Variants in PLEKHH1 observed in about 807,000 individuals in gnomAD.
PLEKHH1 encodes the protein pleckstrin homology domain-containing family H member 1.
A neutral mutation model predicts 160.0 loss-of-function variants in PLEKHH1; 104 were observed. The ratio of observed to expected loss-of-function variants is 0.65; its 90% CI spans 0.55 to 0.76. The LOEUF is 0.76. PLEKHH1 is among the 30% of genes least tolerant of loss of function. The pLI, the probability that PLEKHH1 is intolerant of heterozygous loss-of-function variation, is 0.00. For missense variants in PLEKHH1, 1,427 were observed against 1,724.1 expected (o/e 0.83, Z 3.05); for synonymous variants, 619 against 678.4 (o/e 0.91, Z 1.36).
At chr14:67,569,890 G>C in intron 8 of PLEKHH1, 31 bp from the exon 9 acceptor site, 1 of 1,434,676 alleles carries the variant, frequency 7.0e-7, no homozygotes, top group Non-Finnish European at 9.7e-7. Flanking sequence ...TTATGCCCTT[G>C]AGTAATCTCA....
intron 4 of PLEKHH1, among the ~76,000 whole-genome samples, chr14:67,558,070 C>G (rs2034666831): frequency 6.6e-6 from 1 of 152,214 alleles, no homozygotes. Context: ...AGCATTTCAG[C>G]TCCACTTGGC....
intron 2 of PLEKHH1, among the ~76,000 whole-genome samples, chr14:67,547,717 G>A (rs549943033): frequency 6.6e-6 from 1 of 152,352 alleles, no homozygotes; most frequent in Non-Finnish European, 1.5e-5. Flanking sequence ...GGGCTGCGGA[G>A]GCTTGGAAGA....
chr14:67,557,238 G>T, intron 3 of PLEKHH1, 31 bp from the exon 4 acceptor site: 1 of 1,604,982 alleles, frequency 6.2e-7, no homozygotes, highest in South Asian at 1.1e-5. Context: ...TGAGTGATGG[G>T]AAGACACTAT....
chr14:67,555,688 A>T, intron 2 of PLEKHH1, 137 bp from the exon 3 acceptor site: 1 of 1,257,828 alleles, frequency 8.0e-7, no homozygotes, highest in Non-Finnish European at 1.1e-6. Context: ...TTACCCTGAC[A>T]CTCTCGAGCC....
chr14:67,561,591 C>T lies in PLEKHH1; in HGVS notation c.424-363C>T, dbSNP rs567868162. Among the ~76,000 whole-genome samples, 344 of 151,918 alleles carry T rather than the reference C, an allele frequency of 2.3e-3. 5 individuals are homozygous for T. The highest frequency in any genetic ancestry group is 7.9e-3 in the African/African-American group (329 of 41,422). Reference sequence around the variant, plus strand: ...AAAAGAAAAGAATATGCAGCAGCCACGCTCAGTGGCACATGCCTGTAATCC... The same window carrying T: ...AAAAGAAAAGAATATGCAGCAGCCATGCTCAGTGGCACATGCCTGTAATCC... On this transcript the variant is annotated intron_variant, in intron 5 of 28. Transcript: ENST00000329153.
At chr14:67,586,238 C>A in intron 28 of PLEKHH1, 141 bp downstream of exon 28, 1 of 1,156,252 alleles carries the variant, frequency 8.6e-7, no homozygotes, top group Non-Finnish European at 1.3e-6. Flanking sequence ...AATTAGTATT[C>A]CAAAGGTTCA....
chr14:67,585,222 C>T (rs938219342), intron 26 of PLEKHH1: 1 of 187,130 alleles, frequency 5.3e-6, no homozygotes, highest in Non-Finnish European at 1.1e-5. Flanking sequence ...AGCTGTTCCC[C>T]ATTCCCCTAA....
At chr14:67,547,505 C>A (rs1428621080) in intron 2 of PLEKHH1, among the ~76,000 whole-genome samples, 1 of 152,206 alleles carries the variant, frequency 6.6e-6, no homozygotes, top group Non-Finnish European at 1.5e-5. Context: ...CCAGTTGCTA[C>A]ACGCACTGGG....
intron 27 of PLEKHH1, 43 bp from the exon 28 acceptor site, chr14:67,585,908 C>G (rs1234324741): frequency 6.3e-7 from 1 of 1,578,034 alleles, no homozygotes; most frequent in East Asian, 2.2e-5. Flanking sequence ...GCTCAGGGGA[C>G]AGGTGGAAAG....
At position 67,541,892 on chromosome 14, in the gene PLEKHH1, C is replaced by T. The variant is rs774580530; in HGVS notation, c.25C>T (p.Pro9Ser). Residue 9 changes from proline to serine, a missense_variant, in exon 2 of 29, where the codon CCG (proline) becomes TCG (serine). Transcript: ENST00000329153. MAELKVEA[P>S]ASVDWQKRCL... ...CATGGCAGAACTCAAGGTGGAGGCG[C>T]CGGCCAGCGTAGACTGGCAGAAACG... 6.2e-7 allele frequency: 1 copy of T among 1,602,458 alleles called. No homozygotes were observed. Among genetic ancestry groups the T allele is most frequent in the Non-Finnish European group, 8.5e-7 (1 of 1,174,668 alleles).
In PLEKHH1 at chr14:67,578,654, T is replaced by C; in HGVS notation, c.2849+23T>C. On this transcript the variant is annotated intron_variant, in intron 20 of 28. Transcript: ENST00000329153. This position sits in a 1 kb window ranked among gnomAD's most constrained non-coding sequence, Gnocchi z 5.0. ...CAGGTGAGTGAACCTGGCCGTTTCC[T>C]CTGCCACTTGAGCACTGCCAACTGC... The C allele has an allele frequency of 2.0e-6, 3 of 1,475,344 alleles. No homozygotes were observed. The highest frequency in any genetic ancestry group is 1.9e-6 in the Non-Finnish European group (2 of 1,070,110). 91.4% of individuals were successfully genotyped at this position (1,475,344 alleles called of 1,614,324 possible).
rs11547223 is a variant in PLEKHH1, at chr14:67,589,488, T to A, written c.*2253T>A. 2 of 984,910 alleles carry A rather than the reference T, an allele frequency of 2.0e-6. No homozygotes were observed. Among genetic ancestry groups the A allele is most frequent in the Non-Finnish European group, 2.4e-6 (2 of 829,570 alleles). 61.0% of individuals were successfully genotyped at this position (984,910 alleles called of 1,614,324 possible). ...AATGTGCTTGACACCATGACTGAAATACTATGATCTTGTTTGTCAATAAAA... is the reference window on the plus strand; with the variant it reads ...AATGTGCTTGACACCATGACTGAAAAACTATGATCTTGTTTGTCAATAAAA... On this transcript the variant is annotated 3_prime_UTR_variant, in exon 29 of 29. Transcript: ENST00000329153.
chr14:67,572,526 T>C (rs2035438823), intron 11 of PLEKHH1, among the ~76,000 whole-genome samples: 1 of 152,302 alleles, frequency 6.6e-6, no homozygotes, highest in South Asian at 2.1e-4. Context: ...GAGAGCCTAC[T>C]GTGGCCCACC....
In PLEKHH1 at chr14:67,562,118, G is replaced by T. The variant is rs1487736570; in HGVS notation, c.506-19G>T. ...AGCTACGGGAGCTCTCAATGTGACT[G>T]TTTTTACCCGAATCACAGCTATTCA... On this transcript the variant is annotated intron_variant, in intron 6 of 28. Transcript: ENST00000329153. 1.9e-6 allele frequency: 3 copies of T among 1,611,336 alleles called. No homozygotes were observed. The highest frequency in any genetic ancestry group is 2.2e-5 in the South Asian group (2 of 90,944).
At position 67,588,199 on chromosome 14, in the gene PLEKHH1, C is replaced by T. The variant is rs1425104728; in HGVS notation, c.*964C>T. On this transcript the variant is annotated 3_prime_UTR_variant, in exon 29 of 29. Coordinates refer to ENST00000329153, the MANE Select transcript of PLEKHH1 (RefSeq NM_020715.3). ...TGCAAGCAAGGGCAGGAGGTAGGTC[C>T]AATCTGACCCCTCCCTGTCTCATTT... The T allele has an allele frequency of 6.6e-6, 1 of 152,622 alleles. No homozygotes were observed. Among genetic ancestry groups the T allele is most frequent in the Non-Finnish European group, 1.5e-5 (1 of 68,036 alleles). The allele number at this position is 152,622 out of a possible 1,614,324, so 9.5% of individuals were successfully genotyped here. A position where few individuals can be genotyped will look rare whatever the true frequency, so the allele number is the denominator to read the frequency against.
intron 1 of PLEKHH1, among the ~76,000 whole-genome samples, chr14:67,537,276 G>A (rs112820703): frequency 0.084 from 12,455 of 147,862 alleles, 661 homozygotes; most frequent in East Asian, 0.13. Flanking sequence ...CCCGGGAGGC[G>A]GAGGTTGCAG....
At position 67,582,271 on chromosome 14, in the gene PLEKHH1, C is replaced by T. The variant is rs750299390; in HGVS notation, c.3426+61C>T. 26 of 1,609,754 alleles carry T rather than the reference C, an allele frequency of 1.6e-5. No individual in the cohort carries two copies. The highest frequency in any genetic ancestry group is 2.5e-6 in the Non-Finnish European group (3 of 1,178,704). ...GCCAGCTTAGAATGAATGCACCATG[C>T]AGCCTGAAACACAGGAGAGATTCTG... is the stretch of plus-strand genomic sequence containing the variant. On this transcript the variant is annotated intron_variant, in intron 24 of 28. Transcript: ENST00000329153. The surrounding 1 kb of genome is among the most constrained non-coding windows in gnomAD (Gnocchi z 5.0).
intron 4 of PLEKHH1, among the ~76,000 whole-genome samples, chr14:67,558,890 C>T (rs928577449): frequency 3.3e-5 from 5 of 152,292 alleles, no homozygotes; most frequent in Middle Eastern, 3.4e-3. Context: ...ACAGATAATA[C>T]GTAAATGAAT....
At chr14:67,539,389 A>G (rs2033874694) in intron 1 of PLEKHH1, among the ~76,000 whole-genome samples, 1 of 152,218 alleles carries the variant, frequency 6.6e-6, no homozygotes, top group South Asian at 2.1e-4. Context: ...CTGGGAGAGC[A>G]GCGCTGAAGT....
Sources: gnomAD v4.1 joint callset for allele counts (sites outside exome capture counted in the v4.1 genomes callset) on GRCh38, gnomAD v4.1.1 for gene constraint, Gnocchi (gnomAD v3.1) non-coding constraint, MANE v1.5 for transcripts, NCBI Gene and HGNC (gene_info 2026-07-23, HGNC 2026-07-21) for gene names.